Variants in ETV1 observed in about 807,000 individuals in gnomAD.
ETV1 encodes the protein ETS variant transcription factor 1, also known as ETS translocation variant 1.
In ETV1, 27 loss-of-function variants were observed where a neutral mutation model predicts 62.3. That is an observed-to-expected ratio of 0.43 (90% CI 0.32 to 0.60). The LOEUF is 0.60. Ranked by LOEUF, ETV1 falls within the 20% of genes least tolerant of loss-of-function variation. ETV1 has a pLI of 0.06. For missense variants in ETV1, 605 were observed against 605.8 expected (o/e 1.00, Z 0.01); for synonymous variants, 222 against 199.6 (o/e 1.11, Z -0.94).
In ETV1 at chr7:13,900,881, T is replaced by G. The variant is rs749101817; in HGVS notation, c.1111-42A>C. On this transcript the variant is annotated intron_variant, in intron 12 of 13. Transcript: ENST00000430479. ...TTACATTGTAGTGTTAAGTATTAAC[T>G]TATCAGCATATTTCATAAAAATTAT... 5.5e-6 allele frequency: 7 copies of G among 1,277,458 alleles called. No individual in the cohort carries two copies. In the African/African-American group the frequency reaches 7.5e-5, roughly 14 times the overall value. The allele number at this position is 1,277,458 out of a possible 1,614,324, so 79.1% of individuals were successfully genotyped here. A position where few individuals can be genotyped will look rare whatever the true frequency, so the allele number is the denominator to read the frequency against.
intron 13 of ETV1, among the ~76,000 whole-genome samples, chr7:13,897,966 T>C (rs1057004389): frequency 6.6e-6 from 1 of 152,222 alleles, no homozygotes; most frequent in Non-Finnish European, 1.5e-5. Flanking sequence ...TTAAAAATTA[T>C]GTAATAAATG....
At chr7:13,941,679 T>C (rs1787521587) in intron 6 of ETV1, among the ~76,000 whole-genome samples, 1 of 152,058 alleles carries the variant, frequency 6.6e-6, no homozygotes, top group Non-Finnish European at 1.5e-5. Context: ...GAGACCAGCC[T>C]GGTCAACATG....
At chr7:13,899,797 T>G (rs959693316) in intron 13 of ETV1, among the ~76,000 whole-genome samples, 6 of 152,248 alleles carry the variant, frequency 3.9e-5, no homozygotes, top group Admixed American at 1.3e-4. Flanking sequence ...TATTTTATTT[T>G]AAGTGTAATT....
chr7:13,946,876 C>A (rs1277711099), intron 6 of ETV1, among the ~76,000 whole-genome samples: 1 of 152,164 alleles, frequency 6.6e-6, no homozygotes, highest in Non-Finnish European at 1.5e-5. Context: ...GCAACCCCTG[C>A]CTCGCGGGTT....
chr7:13,984,663 G>A (rs945426821), intron 5 of ETV1, among the ~76,000 whole-genome samples: 1 of 151,770 alleles, frequency 6.6e-6, no homozygotes, highest in African/African-American at 2.4e-5. Context: ...TAGTCCACCT[G>A]GGAATTCATA....
intron 9 of ETV1, among the ~76,000 whole-genome samples, chr7:13,917,715 A>C (rs996933776): frequency 6.6e-6 from 1 of 151,906 alleles, no homozygotes; most frequent in African/African-American, 2.4e-5. Flanking sequence ...CTGTAATCCC[A>C]GAACTTTGGG....
Position 13,989,557 on chromosome 7 carries a change from A to AC in ETV1, c.-285+5dup. 2.5e-6 allele frequency: 1 copy of AC among 399,066 alleles called. No homozygotes were observed. Among genetic ancestry groups the AC allele is most frequent in the Admixed American group, 4.4e-5 (1 of 22,720 alleles). 24.7% of individuals were successfully genotyped at this position (399,066 alleles called of 1,614,324 possible). ...AGAGACATAAAAAGTTGTTGGAAAG[A>AC]CCCACCTGAAGGCCACGCTAGGCGA... On this transcript the variant is annotated splice_donor_region_variant and intron_variant, in intron 1 of 13. Coordinates refer to ENST00000430479, the MANE Select transcript of ETV1 (RefSeq NM_004956.5).
At chr7:13,951,712 TA>T (rs1583768872) in intron 6 of ETV1, among the ~76,000 whole-genome samples, 1 of 152,314 alleles carries the variant, frequency 6.6e-6, no homozygotes, top group East Asian at 1.9e-4. Context: ...TCCCCTTTTG[TA>T]ATATCAAATA....
intron 9 of ETV1, among the ~76,000 whole-genome samples, chr7:13,914,937 C>G (rs141975682): frequency 0.021 from 3,124 of 151,998 alleles, 40 homozygotes; most frequent in Middle Eastern, 0.048. Flanking sequence ...GCTCTGCTAT[C>G]AAATAGTGTG....
intron 3 of ETV1, chr7:13,988,595 G>GAAAAA: frequency 1.2e-6 from 1 of 810,096 alleles, no homozygotes; most frequent in East Asian, 6.5e-5. Context: ...GTAGAGAAAT[G>GAAAAA]AAAAAAAAAA....
chr7:13,921,491 CT>C (rs1293973528), intron 9 of ETV1, among the ~76,000 whole-genome samples: 1 of 152,076 alleles, frequency 6.6e-6, no homozygotes, highest in African/African-American at 2.4e-5. Context: ...ACACTTTTTT[CT>C]TTCAGTGACC....
upstream of ETV1, among the ~76,000 whole-genome samples, chr7:13,990,203 A>G (rs2128519088): frequency 6.6e-6 from 1 of 152,222 alleles, no homozygotes; most frequent in Admixed American, 6.5e-5. Flanking sequence ...CCGTTTTTCA[A>G]AACCCACCAT....
chr7:13,895,925 A>C lies in ETV1; in HGVS notation c.1375T>G (p.Tyr459Asp), dbSNP rs1466736141. The C allele has an allele frequency of 6.2e-7, 1 of 1,613,704 alleles. No homozygotes were observed. ...PLSHFDESMAYMPEGGCCNPH... is the reference protein window; with the variant it reads ...PLSHFDESMADMPEGGCCNPH... ...TTGCAGCAGCCCCCTTCCGGCATGT[A>C]GGCCATGCTCTCATCAAAGTGAGAA... Residue 459 changes from tyrosine to aspartate, a missense_variant, in exon 14 of 14, where the codon TAC (tyrosine) becomes GAC (aspartate). Around this residue, in one of 3 missense-constraint regions of ETV1, gnomAD observed 79 missense variants for 71.6 expected, o/e 1.10. Coordinates refer to ENST00000430479, the MANE Select transcript of ETV1 (RefSeq NM_004956.5).
At chr7:13,990,098 C>G (rs1782914145), upstream of ETV1, among the ~76,000 whole-genome samples, 1 of 152,114 alleles carries the variant, frequency 6.6e-6, no homozygotes, top group Admixed American at 6.6e-5. Context: ...CTGCCCTCCC[C>G]TCAGGATCTC....
At chr7:13,982,366 A>G (rs191126663) in intron 5 of ETV1, among the ~76,000 whole-genome samples, 2 of 152,242 alleles carry the variant, frequency 1.3e-5, no homozygotes, top group East Asian at 3.9e-4. Flanking sequence ...AGAAAAGCTT[A>G]GCAATATTTT....
At chr7:13,982,217 G>T (rs763609651) in intron 5 of ETV1, among the ~76,000 whole-genome samples, 5 of 151,932 alleles carry the variant, frequency 3.3e-5, no homozygotes, top group Non-Finnish European at 7.4e-5. Context: ...ACTAGCCGTT[G>T]TTTCTAGCCA....
rs560284510 is a variant in ETV1, at chr7:13,951,491, T to C, written c.236-12245A>G. On this transcript the variant is annotated intron_variant, in intron 6 of 13. Transcript: ENST00000430479. ...ATAGGACTAAGGGAGCCACACTACG[T>C]ATAAAGTGTGTATTGAGTCCTTAAT... Among the ~76,000 whole-genome samples the C allele has an allele frequency of 2.0e-5, 3 of 152,274 alleles. No individual in the cohort carries two copies. The South Asian group carries it at 6.2e-4, about 32-fold the overall frequency.
At chr7:13,940,157 G>C (rs894670108) in intron 6 of ETV1, among the ~76,000 whole-genome samples, 9 of 152,170 alleles carry the variant, frequency 5.9e-5, no homozygotes, top group African/African-American at 1.9e-4. Flanking sequence ...GAGGTCAGGA[G>C]TTCAAGACCA....
Position 13,906,532 on chromosome 7 carries a change from C to T in ETV1, c.1008G>A (p.Gln336=), listed in dbSNP as rs1005030321. 9 of 1,612,366 alleles carry T rather than the reference C, an allele frequency of 5.6e-6. No individual in the cohort carries two copies. The highest frequency in any genetic ancestry group is 1.7e-5 in the Admixed American group (1 of 59,842). ...GPTYQRRGSL[Q]LWQFLVALLD... ...GAAGAGCTACCAAAAACTGCCAGAGCTGAAGTGATCCTCGCCGTTGGTATG... is the reference window on the plus strand; with the variant it reads ...GAAGAGCTACCAAAAACTGCCAGAGTTGAAGTGATCCTCGCCGTTGGTATG... The change falls in exon 12 of 14, where the codon CAG becomes CAA. Residue 336 remains glutamine (Q), a synonymous_variant. Transcript: ENST00000430479.
Sources: gnomAD v4.1 joint callset for allele counts (sites outside exome capture counted in the v4.1 genomes callset) on GRCh38, gnomAD v4.1.1 for gene constraint, gnomAD v4.1.1 regional missense constraint, MANE v1.5 for transcripts, NCBI Gene and HGNC (gene_info 2026-07-23, HGNC 2026-07-21) for gene names.